KDM5A: variants seen among roughly 807,000 people sequenced by gnomAD.
The protein encoded by KDM5A is lysine-specific demethylase 5A.
KDM5A carries 42 observed loss-of-function variants against 193.5 expected under a neutral mutation model. The ratio of observed to expected loss-of-function variants is 0.22; its 90% CI spans 0.17 to 0.28. The LOEUF (loss-of-function observed/expected upper bound fraction) is 0.28, where lower values mean the gene tolerates loss of function less well. Among genes scored for constraint, KDM5A ranks in the 10% least tolerant of loss-of-function variants. The probability of loss-of-function intolerance (pLI) is 1.00; values close to 1 mark genes in which losing one functional copy is unlikely to be tolerated. For synonymous variants in KDM5A, 796 were observed against 718.1 expected, an observed-to-expected ratio of 1.11 and a Z score of -1.73; for missense variants, 1,692 against 2,055.1, an observed-to-expected ratio of 0.82 and a Z score of 3.42.
chr12:311,122 A>G, intron 20 of KDM5A, 58 bp from the exon 21 acceptor site: 1 of 1,510,718 alleles, frequency 6.6e-7, no homozygotes, highest in Non-Finnish European at 9.2e-7. Flanking sequence ...TTGGCAATAT[A>G]CTGTTGAAAG....
chr12:304,457 T>C (rs1212367510), intron 24 of KDM5A, among the ~76,000 whole-genome samples: 1 of 150,886 alleles, frequency 6.6e-6, no homozygotes, highest in Non-Finnish European at 1.5e-5. Flanking sequence ...TTTTTTTTTT[T>C]TTTTTTTTTC....
In KDM5A at chr12:323,315, A is replaced by C. The variant is rs1943744720; in HGVS notation, c.2151-109T>G. The C allele has an allele frequency of 6.9e-6, 9 of 1,305,812 alleles. No individual in the cohort carries two copies. The Admixed American group carries it at 1.9e-4, about 27-fold the overall frequency. 80.9% of individuals were successfully genotyped at this position (1,305,812 alleles called of 1,614,324 possible). A position where few individuals can be genotyped will look rare whatever the true frequency, so the allele number is the denominator to read the frequency against. ...TTTAAATATAACCAGCTTAAGGAAA[A>C]TACAATGGCCAAGGGAATGGGATCT... On this transcript the variant is annotated intron_variant, in intron 15 of 27. Transcript: ENST00000399788.
intron 11 of KDM5A, 151 bp downstream of exon 11, chr12:334,090 T>C (rs1943895839): frequency 1.4e-6 from 1 of 710,392 alleles, no homozygotes; most frequent in African/African-American, 1.8e-5. Context: ...CTGAGTTCAA[T>C]TTTACTACCC....
rs1279591796 is a variant in KDM5A, at chr12:322,445, G to A, written c.2398C>T (p.Leu800=). The A allele has an allele frequency of 1.2e-6, 2 of 1,613,196 alleles. No individual in the cohort carries two copies. The highest frequency in any genetic ancestry group is 1.1e-5 in the South Asian group (1 of 91,086). The part of the protein sequence containing the change: ...EAETCASVAQ[L]LLSKKQKHRQ... ...TGTTTCTGCTTTTTGCTCAGAAGCA[G>A]CTGAGCCACAGAAGCACAGGTCTCA... The change falls in exon 17 of 28, where the codon CTG becomes TTG. Residue 800 remains leucine, a synonymous_variant. Transcript: ENST00000399788.
chr12:329,073 T>C (rs1416780240), intron 13 of KDM5A, 44 bp from the exon 14 acceptor site: 2 of 1,545,242 alleles, frequency 1.3e-6, no homozygotes, highest in African/African-American at 1.4e-5. Flanking sequence ...TTATAACATA[T>C]CCCAGCACAG....
chr12:388,832 T>C (rs1011678118), intron 1 of KDM5A, 95 bp downstream of exon 1: 42 of 1,430,838 alleles, frequency 2.9e-5, no homozygotes, highest in Admixed American at 6.7e-5. Context: ...AGAGTACATA[T>C]GAAACGAGAC....
At chr12:374,898 T>C (rs1052846028) in intron 3 of KDM5A, among the ~76,000 whole-genome samples, 1 of 152,164 alleles carries the variant, frequency 6.6e-6, no homozygotes, top group Non-Finnish European at 1.5e-5. Flanking sequence ...ATGTTGAACA[T>C]TGGCCCCCAC....
At chr12:344,716 TGA>T (rs1240602786) in intron 10 of KDM5A, among the ~76,000 whole-genome samples, 1 of 152,170 alleles carries the variant, frequency 6.6e-6, no homozygotes, top group Admixed American at 6.5e-5. Flanking sequence ...AAGCAAATGC[TGA>T]GAGATTTTGT....
intron 25 of KDM5A, among the ~76,000 whole-genome samples, chr12:296,749 G>A (rs1426087478): frequency 6.6e-6 from 1 of 152,204 alleles, no homozygotes; most frequent in Non-Finnish European, 1.5e-5. Flanking sequence ...CACATAGAGG[G>A]TGAAGGACTA....
rs371142784 is a variant in KDM5A, at chr12:307,672, C to T, written c.3712G>A (p.Val1238Ile). The change falls in exon 23 of 28, where the codon GTA becomes ATA. Residue 1238 changes from valine (V) to isoleucine (I), a missense_variant. Physicochemically the swap from Val to Ile is conservative, Grantham distance 29. Around this residue, in one of 11 missense-constraint regions of KDM5A, gnomAD observed 965 missense variants for 1,061.0 expected, o/e 0.91. Coordinates refer to ENST00000399788, the MANE Select transcript of KDM5A (RefSeq NM_001042603.3). The surrounding 1 kb of genome is among the most constrained non-coding windows in gnomAD (Gnocchi z 4.3). ...AGGGCCTCTCCTTCAGGCAACCGTA[C>T]GGGCAACTTCTGAAGGGATACCAGG... ...SLLVSLQKLP[V>I]RLPEGEALQC... is the part of the protein sequence containing the mutation. 3.2e-5 allele frequency: 51 copies of T among 1,614,042 alleles called. No individual in the cohort carries two copies. Among genetic ancestry groups the T allele is most frequent in the African/African-American group, 4.0e-5 (3 of 74,920 alleles).
intron 10 of KDM5A, among the ~76,000 whole-genome samples, chr12:341,166 A>G (rs1286340057): frequency 6.6e-6 from 1 of 152,212 alleles, no homozygotes; most frequent in African/African-American, 2.4e-5. Flanking sequence ...AGAAAAAGGC[A>G]AAAGCTAAAA....
chr12:371,635 T>C (rs937358003), intron 3 of KDM5A, among the ~76,000 whole-genome samples: 3 of 152,208 alleles, frequency 2.0e-5, no homozygotes, highest in African/African-American at 7.2e-5. Context: ...CTATTTTGGC[T>C]TTTGTTGCCA....
chr12:359,165 TGCTGGATTAGA>T (rs780466864), intron 5 of KDM5A, among the ~76,000 whole-genome samples: 20 of 152,234 alleles, frequency 1.3e-4, no homozygotes, highest in Non-Finnish European at 2.9e-4. Context: ...AGAACTGTGG[TGCTGGATTAGA>T]GCTGGATTAG....
At chr12:339,658 C>T (rs1031669664) in intron 10 of KDM5A, among the ~76,000 whole-genome samples, 3 of 152,138 alleles carry the variant, frequency 2.0e-5, no homozygotes, top group Admixed American at 6.6e-5. Context: ...AATTACTTAA[C>T]TCAAAGAGTC....
chr12:282,162 T>C lies in KDM5A; in HGVS notation c.*3294A>G. 7.8e-6 allele frequency: 2 copies of C among 255,514 alleles called. No homozygotes were observed. The highest frequency in any genetic ancestry group is 5.9e-5 in the East Asian group (1 of 16,834). 15.8% of individuals were successfully genotyped at this position (255,514 alleles called of 1,614,324 possible). ...TGCTAACCTTACAGCTTAGCCTCTG[T>C]CCTTTAAAAAAAGAGAGAGACAGAC... On this transcript the variant is annotated 3_prime_UTR_variant, in exon 28 of 28. Coordinates refer to ENST00000399788, the MANE Select transcript of KDM5A (RefSeq NM_001042603.3).
At chr12:300,296 C>T (rs1943426014) in intron 24 of KDM5A, among the ~76,000 whole-genome samples, 1 of 152,116 alleles carries the variant, frequency 6.6e-6, no homozygotes, top group African/African-American at 2.4e-5. Flanking sequence ...AAACACCCCT[C>T]AGCAAATGCA....
intron 1 of KDM5A, 145 bp from the exon 2 acceptor site, chr12:386,119 C>A: frequency 1.6e-6 from 1 of 638,174 alleles, no homozygotes; most frequent in Non-Finnish European, 2.8e-6. Flanking sequence ...ACAGAATGAG[C>A]AATTCTTTTC....
At chr12:339,461 G>A (rs1024903725) in intron 10 of KDM5A, among the ~76,000 whole-genome samples, 7 of 152,050 alleles carry the variant, frequency 4.6e-5, no homozygotes, top group Non-Finnish European at 1.0e-4. Flanking sequence ...AAACATTTTT[G>A]CTTAGAGAAT....
intron 10 of KDM5A, among the ~76,000 whole-genome samples, chr12:339,828 G>A (rs1319281952): frequency 6.6e-6 from 1 of 151,614 alleles, no homozygotes; most frequent in Non-Finnish European, 1.5e-5. Flanking sequence ...CACCAAAGGG[G>A]ACTGACCTAT....
Sources: allele counts gnomAD v4.1 joint callset (sites outside exome capture counted in the v4.1 genomes callset), GRCh38; gene constraint gnomAD v4.1.1; regional missense constraint gnomAD v4.1.1; non-coding constraint Gnocchi (gnomAD v3.1); transcripts MANE v1.5; gene names NCBI Gene and HGNC (gene_info 2026-07-23, HGNC 2026-07-21).